The following PRKAR1B variants were observed in gnomAD, a reference collection of about 807,000 sequenced individuals.
PRKAR1B encodes the protein cAMP-dependent protein kinase type I-beta regulatory subunit.
A neutral mutation model predicts 46.5 loss-of-function variants in PRKAR1B; 22 were observed. The ratio of observed to expected loss-of-function variants is 0.47; its 90% CI spans 0.34 to 0.68. The LOEUF (loss-of-function observed/expected upper bound fraction) is 0.68. Among genes scored for constraint, PRKAR1B ranks in the 30% least tolerant of loss-of-function variants. The probability of loss-of-function intolerance (pLI) is 0.01; values close to 1 mark genes in which losing one functional copy is unlikely to be tolerated. For synonymous variants in PRKAR1B, 259 were observed against 217.7 expected, an observed-to-expected ratio of 1.19 and a Z score of -1.67; for missense variants, 445 against 535.6, an observed-to-expected ratio of 0.83 and a Z score of 1.67.
chr7:583,280 A>G (rs1373746664), intron 8 of PRKAR1B, among the ~76,000 whole-genome samples: 2 of 152,148 alleles, frequency 1.3e-5, no homozygotes, highest in South Asian at 4.1e-4. Context: ...AGGATTTCAG[A>G]GAGAACAGGG....
At chr7:664,039 T>G (rs1785767191) in intron 4 of PRKAR1B, among the ~76,000 whole-genome samples, 1 of 152,046 alleles carries the variant, frequency 6.6e-6, no homozygotes, top group South Asian at 2.1e-4. Flanking sequence ...ACAAGATGCT[T>G]TGTATTACAA....
chr7:581,501 C>G (rs932340506), intron 8 of PRKAR1B, among the ~76,000 whole-genome samples: 6 of 152,170 alleles, frequency 3.9e-5, no homozygotes, highest in Non-Finnish European at 8.8e-5. Flanking sequence ...GTTTTCTTTA[C>G]TGGTTTCCTT....
At position 606,761 on chromosome 7, in the gene PRKAR1B, T is replaced by G. The variant is rs1232087613; in HGVS notation, c.503-522A>C. On this transcript the variant is annotated intron_variant, in intron 5 of 10. Coordinates refer to ENST00000537384, the MANE Select transcript of PRKAR1B (RefSeq NM_001164760.2). The stretch of plus-strand genomic sequence containing the variant: ...CCGCGCCCGGCCTCACAATGAGAAT[T>G]TTATGCGTGTGTGTGTGTGTGTGTG... 3.3e-5 allele frequency among the ~76,000 whole-genome samples: 4 copies of G among 122,282 alleles called. No individual in the cohort carries two copies. The East Asian group carries it at 7.3e-4, about 22-fold the overall frequency. 80.2% of individuals were successfully genotyped at this position (122,282 alleles called of 152,430 possible). A position where few individuals can be genotyped will look rare whatever the true frequency, so the allele number is the denominator to read the frequency against.
chr7:662,761 G>A (rs1194268258), intron 4 of PRKAR1B, among the ~76,000 whole-genome samples: 2 of 152,162 alleles, frequency 1.3e-5, no homozygotes, highest in African/African-American at 4.8e-5. Flanking sequence ...CCAGTCCCAC[G>A]GGCACCCACA....
At chr7:606,339 C>T in intron 5 of PRKAR1B, 100 bp from the exon 6 acceptor site, 2 of 979,816 alleles carry the variant, frequency 2.0e-6, no homozygotes, top group Non-Finnish European at 3.2e-6. Flanking sequence ...TGCAGAGACC[C>T]TCGAAGCAAC....
At chr7:708,938 G>A (rs1780470450) in intron 2 of PRKAR1B, among the ~76,000 whole-genome samples, 1 of 151,230 alleles carries the variant, frequency 6.6e-6, no homozygotes, top group Non-Finnish European at 1.5e-5. Flanking sequence ...GATTACAGGT[G>A]CGTGCCACCA....
upstream of PRKAR1B, chr7:727,489 C>A: frequency 3.3e-6 from 1 of 301,918 alleles, no homozygotes; most frequent in Non-Finnish European, 5.8e-6. Flanking sequence ...CCCCAAAGCA[C>A]CCCGCCCGGC....
chr7:675,393 C>T (rs1238754574), intron 4 of PRKAR1B, among the ~76,000 whole-genome samples: 2 of 152,168 alleles, frequency 1.3e-5, no homozygotes, highest in Admixed American at 1.3e-4. Flanking sequence ...CACACCGTTG[C>T]CCTCCGGGAG....
chr7:680,217 A>G (rs1196554724), intron 3 of PRKAR1B, among the ~76,000 whole-genome samples: 1 of 150,848 alleles, frequency 6.6e-6, no homozygotes, highest in African/African-American at 2.4e-5. Flanking sequence ...TGGGAGGCAC[A>G]CAGCCCAGGA....
chr7:713,561 C>T (rs1394462272), intron 1 of PRKAR1B, among the ~76,000 whole-genome samples: 1 of 151,868 alleles, frequency 6.6e-6, no homozygotes, highest in Non-Finnish European at 1.5e-5. Flanking sequence ...CTCACCTGGT[C>T]CACACTCACG....
In PRKAR1B at chr7:550,304, C is replaced by G. The variant is rs982101322; in HGVS notation, c.*126G>C. 2.6e-6 allele frequency: 2 copies of G among 756,302 alleles called. No individual in the cohort carries two copies. The highest frequency in any genetic ancestry group is 4.4e-6 in the Non-Finnish European group (2 of 456,814). The allele number at this position is 756,302 out of a possible 1,614,324, so 46.8% of individuals were successfully genotyped here. On this transcript the variant is annotated 3_prime_UTR_variant, in exon 11 of 11. Transcript: ENST00000537384. ...AAGTGAGTCCGGGGAAGGGGCAGTC[C>G]TCACGCTGCCGGGACCCAGCCCCAC...
intron 1 of PRKAR1B, among the ~76,000 whole-genome samples, chr7:717,638 A>G (rs1274642026): frequency 6.6e-6 from 1 of 152,220 alleles, no homozygotes; most frequent in Admixed American, 6.5e-5. Context: ...AGCCTGGGCA[A>G]CAGAGTGAGA....
intron 8 of PRKAR1B, among the ~76,000 whole-genome samples, chr7:580,846 A>G (rs767344709): frequency 2.6e-5 from 4 of 152,058 alleles, no homozygotes; most frequent in African/African-American, 9.7e-5. Flanking sequence ...TTTATTTTAC[A>G]TCTAGGTTAG....
intron 4 of PRKAR1B, among the ~76,000 whole-genome samples, chr7:673,339 T>A (rs1583398248): frequency 6.6e-6 from 1 of 152,202 alleles, no homozygotes; most frequent in East Asian, 1.9e-4. Flanking sequence ...CAAGTTAAAA[T>A]AAATTCAAGT....
At chr7:585,255 G>A (rs1780530061) in intron 7 of PRKAR1B, among the ~76,000 whole-genome samples, 1 of 152,156 alleles carries the variant, frequency 6.6e-6, no homozygotes, top group African/African-American at 2.4e-5. Flanking sequence ...ACAGGAACGA[G>A]GCCCCTGCTC....
chr7:643,119 T>TA (rs1784470731), intron 4 of PRKAR1B, among the ~76,000 whole-genome samples: 1 of 151,606 alleles, frequency 6.6e-6, no homozygotes, highest in African/African-American at 2.4e-5. Context: ...ACCTTGAAAA[T>TA]AATCAGACTC....
chr7:677,330 A>G lies in PRKAR1B; in HGVS notation c.349-10T>C. 1 of 1,613,796 alleles carries G rather than the reference A, an allele frequency of 6.2e-7. No individual in the cohort carries two copies. The highest frequency in any genetic ancestry group is 8.5e-7 in the Non-Finnish European group (1 of 1,179,616). ...AGTCCTTGGGAATCACCTGAAGCGGAGCCAACACATCACCGTGTGAGCCAC... is the reference window on the plus strand; with the variant it reads ...AGTCCTTGGGAATCACCTGAAGCGGGGCCAACACATCACCGTGTGAGCCAC... On this transcript the variant is annotated splice_polypyrimidine_tract_variant and intron_variant, in intron 3 of 10. Coordinates refer to ENST00000537384, the MANE Select transcript of PRKAR1B (RefSeq NM_001164760.2).
intron 9 of PRKAR1B, among the ~76,000 whole-genome samples, chr7:562,453 G>A (rs537214815): frequency 1.3e-5 from 2 of 152,278 alleles, no homozygotes; most frequent in South Asian, 2.1e-4. Flanking sequence ...CCCAGACGAC[G>A]GCAGACACCT....
intron 9 of PRKAR1B, among the ~76,000 whole-genome samples, 172 bp from the exon 10 acceptor site, chr7:551,642 C>G (rs1784209235): frequency 6.6e-6 from 1 of 150,806 alleles, no homozygotes; most frequent in Non-Finnish European, 1.5e-5. Context: ...ACCTCCCACC[C>G]AGGTCCTTCT....
Sources: allele counts gnomAD v4.1 joint callset (sites outside exome capture counted in the v4.1 genomes callset), GRCh38; gene constraint gnomAD v4.1.1; transcripts MANE v1.5; gene names NCBI Gene and HGNC (gene_info 2026-07-23, HGNC 2026-07-21).